CHRNB3: variants seen among roughly 807,000 people sequenced by gnomAD.
The protein encoded by CHRNB3 is cholinergic receptor nicotinic beta 3 subunit.
A neutral mutation model predicts 40.6 loss-of-function variants in CHRNB3; 37 were observed. That is an observed-to-expected ratio of 0.91 (90% CI 0.70 to 1.20). CHRNB3 has a LOEUF of 1.20. Among genes scored for constraint, CHRNB3 ranks in the 50% most tolerant of loss-of-function variants. The pLI, the probability that CHRNB3 is intolerant of heterozygous loss-of-function variation, is 0.00. For missense variants in CHRNB3, 505 were observed against 551.2 expected (o/e 0.92, Z 0.84); for synonymous variants, 207 against 207.1 (o/e 1.00, Z 0.00).
chr8:42,725,711 C>T, intron 3 of CHRNB3: 1 of 931,732 alleles, frequency 1.1e-6, no homozygotes, highest in South Asian at 1.3e-5. Flanking sequence ...AGGTGCTCCT[C>T]AATCACTGTG....
At chr8:42,706,292 G>A (rs1815920526) in intron 1 of CHRNB3, among the ~76,000 whole-genome samples, 2 of 152,146 alleles carry the variant, frequency 1.3e-5, no homozygotes, top group Admixed American at 1.3e-4. Context: ...GTGGTGCACA[G>A]TTAGGGCCAT....
At position 42,708,820 on chromosome 8, in the gene CHRNB3, C is replaced by T. The variant is rs139370624; in HGVS notation, c.156C>T (p.Asp52=). Residue 52 remains aspartate (D), a synonymous_variant, in exon 2 of 6, where the codon GAC becomes GAT. Transcript: ENST00000289957. The part of the protein sequence containing the change: ...KWVRPVLHSN[D]TIKVYFGLKI... ...TCCGCCCTGTATTACATTCTAATGA[C>T]ACCATAAAAGTATATTTTGGATTGA... The T allele has an allele frequency of 5.0e-6, 8 of 1,613,818 alleles. No individual in the cohort carries two copies. The African/African-American group carries it at 1.1e-4, about 22-fold the overall frequency.
intron 5 of CHRNB3, 47 bp from the exon 6 acceptor site, chr8:42,736,437 C>G (rs770618902): frequency 8.7e-6 from 14 of 1,606,870 alleles, no homozygotes; most frequent in Non-Finnish European, 1.2e-5. Flanking sequence ...GAATACAGAA[C>G]AGTTGCTCAG....
chr8:42,730,363 A>G (rs900004412), intron 3 of CHRNB3, among the ~76,000 whole-genome samples: 3 of 152,174 alleles, frequency 2.0e-5, no homozygotes, highest in African/African-American at 7.2e-5. Context: ...AGATACAGTA[A>G]TTTTGGAAAT....
intron 1 of CHRNB3, among the ~76,000 whole-genome samples, chr8:42,700,317 GT>G (rs1316519864): frequency 6.9e-6 from 1 of 144,998 alleles, no homozygotes; most frequent in East Asian, 2.1e-4. Flanking sequence ...GCCCGGCCTT[GT>G]TTTTTGTTTT....
At chr8:42,716,699 C>A (rs957105076) in intron 3 of CHRNB3, among the ~76,000 whole-genome samples, 7 of 152,026 alleles carry the variant, frequency 4.6e-5, no homozygotes, top group African/African-American at 1.7e-4. Flanking sequence ...GACATGGTGC[C>A]GTGGTGGCCC....
chr8:42,725,891 T>C, intron 3 of CHRNB3: 3 of 840,052 alleles, frequency 3.6e-6, no homozygotes, highest in Non-Finnish European at 6.2e-6. Flanking sequence ...CTAAAAATTT[T>C]CTTTGGGCAA....
chr8:42,711,065 G>T (rs73675434), intron 3 of CHRNB3, among the ~76,000 whole-genome samples: 1 of 152,200 alleles, frequency 6.6e-6, no homozygotes, highest in African/African-American at 2.4e-5. Context: ...AAAGTCAGGG[G>T]AGTGTGCCCA....
intron 3 of CHRNB3, chr8:42,715,003 G>T (rs1816076678): frequency 6.6e-6 from 1 of 152,104 alleles, no homozygotes; most frequent in Admixed American, 6.6e-5. Context: ...GGTCTAGAAA[G>T]AATTCAGGAG....
At chr8:42,716,735 C>A (rs763168886) in intron 3 of CHRNB3, among the ~76,000 whole-genome samples, 2 of 151,974 alleles carry the variant, frequency 1.3e-5, no homozygotes, top group African/African-American at 4.8e-5. Flanking sequence ...CGCCTCTGCC[C>A]GACCCTGTTT....
At chr8:42,703,856 C>G (rs1012708494) in intron 1 of CHRNB3, among the ~76,000 whole-genome samples, 6 of 152,200 alleles carry the variant, frequency 3.9e-5, no homozygotes, top group Non-Finnish European at 5.9e-5. Flanking sequence ...TTCTATTTCA[C>G]AAGAAGGACA....
intron 3 of CHRNB3, chr8:42,725,784 C>A: frequency 1.1e-6 from 1 of 890,984 alleles, no homozygotes; most frequent in South Asian, 1.3e-5. Flanking sequence ...AAATGAGTTC[C>A]CAGACAGACT....
chr8:42,702,261 C>T (rs1410687612), intron 1 of CHRNB3, among the ~76,000 whole-genome samples: 1 of 152,076 alleles, frequency 6.6e-6, no homozygotes, highest in Non-Finnish European at 1.5e-5. Context: ...AGTTGTCTGT[C>T]TGGCCCTAAA....
intron 3 of CHRNB3, among the ~76,000 whole-genome samples, chr8:42,714,366 G>A (rs1471969946): frequency 6.6e-6 from 1 of 152,004 alleles, no homozygotes; most frequent in Admixed American, 6.6e-5. Context: ...GCCAGGCGTG[G>A]TGGTGGGCAC....
At chr8:42,703,264 A>C (rs564472811) in intron 1 of CHRNB3, among the ~76,000 whole-genome samples, 5 of 151,254 alleles carry the variant, frequency 3.3e-5, no homozygotes, top group African/African-American at 1.2e-4. Context: ...TCTCTACTAA[A>C]AATACAAAAA....
At chr8:42,706,901 T>C (rs779638997) in intron 1 of CHRNB3, among the ~76,000 whole-genome samples, 11 of 152,086 alleles carry the variant, frequency 7.2e-5, no homozygotes, top group Non-Finnish European at 1.5e-4. Context: ...GCTGGGACTA[T>C]AGGGGTGTGC....
chr8:42,713,188 G>A (rs2128906027), intron 3 of CHRNB3, among the ~76,000 whole-genome samples: 1 of 152,098 alleles, frequency 6.6e-6, no homozygotes, highest in South Asian at 2.1e-4. Flanking sequence ...CAGGGACTCT[G>A]GGCCTTCACA....
At chr8:42,714,598 T>C (rs1440885220) in intron 3 of CHRNB3, among the ~76,000 whole-genome samples, 3 of 151,392 alleles carry the variant, frequency 2.0e-5, no homozygotes, top group Admixed American at 1.3e-4. Context: ...CAGATATTTA[T>C]AAAAAGCTAT....
At chr8:42,700,076 C>T (rs1393341277) in intron 1 of CHRNB3, among the ~76,000 whole-genome samples, 1 of 148,068 alleles carries the variant, frequency 6.8e-6, no homozygotes, top group Non-Finnish European at 1.5e-5. Flanking sequence ...TACAGTGGCG[C>T]GATCTCTGCT....
Sources: allele counts gnomAD v4.1 joint callset (sites outside exome capture counted in the v4.1 genomes callset), GRCh38; gene constraint gnomAD v4.1.1; transcripts MANE v1.5; gene names NCBI Gene and HGNC (gene_info 2026-07-23, HGNC 2026-07-21).